DDX46: variants seen among roughly 807,000 people sequenced by gnomAD.
DDX46 encodes the protein DEAD-box helicase 46, also known as probable ATP-dependent RNA helicase DDX46.
In DDX46, 30 loss-of-function variants were observed where a neutral mutation model predicts 134.9. The observed-to-expected ratio is 0.22, with a 90% CI of 0.17 to 0.30. The LOEUF (loss-of-function observed/expected upper bound fraction) is 0.30, where lower values mean the gene tolerates loss of function less well. Among genes scored for constraint, DDX46 ranks in the 10% least tolerant of loss-of-function variants. The pLI, the probability that DDX46 is intolerant of heterozygous loss-of-function variation, is 1.00. For synonymous variants in DDX46, 415 were observed against 404.1 expected (o/e 1.03, Z -0.32); for missense variants, 622 against 1,248.7 (o/e 0.50, Z 7.56).
At chr5:134,816,742 G>T (rs1755297194) in intron 19 of DDX46, 136 bp downstream of exon 19, 1 of 868,440 alleles carries the variant, frequency 1.2e-6, no homozygotes, top group Non-Finnish European at 1.7e-6. Flanking sequence ...TCTCAATACA[G>T]AATTTTTTGA....
intron 1 of DDX46, among the ~76,000 whole-genome samples, chr5:134,762,900 CAAAA>C (rs530214032): frequency 6.6e-6 from 1 of 151,266 alleles, no homozygotes; most frequent in Non-Finnish European, 1.5e-5. Context: ...TCTAAAAATG[CAAAA>C]AAAATTTAGC....
At chr5:134,800,606 G>A (rs1032722334) in intron 15 of DDX46, among the ~76,000 whole-genome samples, 2 of 152,044 alleles carry the variant, frequency 1.3e-5, no homozygotes, top group Non-Finnish European at 2.9e-5. Flanking sequence ...TCCCTATAAA[G>A]GTAATTAATT....
chr5:134,807,438 TA>T (rs1755025553), intron 15 of DDX46, among the ~76,000 whole-genome samples: 1 of 152,180 alleles, frequency 6.6e-6, no homozygotes, highest in Admixed American at 6.5e-5. Context: ...CTTGTCAATA[TA>T]GGCTGAATGT....
intron 6 of DDX46, among the ~76,000 whole-genome samples, chr5:134,779,790 T>A (rs540351458): frequency 4.6e-4 from 70 of 152,266 alleles, no homozygotes; most frequent in African/African-American, 1.6e-3. Context: ...GTACCTAGCC[T>A]AGTAGTAGTT....
chr5:134,782,798 C>T, intron 8 of DDX46, 147 bp from the exon 9 acceptor site: 1 of 963,140 alleles, frequency 1.0e-6, no homozygotes, highest in Non-Finnish European at 1.4e-6. Flanking sequence ...GCGTCTGTCT[C>T]CCAAAGTGCT....
chr5:134,781,947 T>C lies in DDX46; in HGVS notation c.906T>C (p.Asp302=). 6.2e-7 allele frequency: 1 copy of C among 1,607,080 alleles called. No homozygotes were observed. Among genetic ancestry groups the C allele is most frequent in the Non-Finnish European group, 8.5e-7 (1 of 1,178,514 alleles). Residue 302 remains aspartate, a synonymous_variant, in exon 8 of 23, where the codon GAT becomes GAC. Coordinates refer to ENST00000452510, the MANE Select transcript of DDX46 (RefSeq NM_001300860.2). The stretch of plus-strand genomic sequence containing the variant: ...ATTCTTCAGAGGAGGAAGAAGTTGA[T>C]CTTCAGACAGCCCTTACAGGGTATC... ...MEYSSEEEEV[D]LQTALTGYQT...
chr5:134,802,944 A>G (rs1754875747), intron 15 of DDX46, among the ~76,000 whole-genome samples: 1 of 152,296 alleles, frequency 6.6e-6, no homozygotes, highest in African/African-American at 2.4e-5. Flanking sequence ...AGAACCCAGC[A>G]TCCAAACTCT....
At chr5:134,771,026 TTCTTTCTTTCTTTTTG>T in intron 4 of DDX46, 27 bp downstream of exon 4, 1 of 922,156 alleles carries the variant, frequency 1.1e-6, no homozygotes, top group Non-Finnish European at 1.7e-6. Flanking sequence ...AAAAATAATT[TTCTTTCTTTCTTTTTG>T]TCTTTCTTTC....
intron 13 of DDX46, 146 bp downstream of exon 13, chr5:134,790,698 G>T: frequency 1.5e-6 from 1 of 649,770 alleles, no homozygotes. Context: ...ATACAGTATT[G>T]AAGTACATAT....
intron 8 of DDX46, 126 bp downstream of exon 8, chr5:134,782,212 C>T: frequency 9.1e-7 from 1 of 1,092,904 alleles, no homozygotes; most frequent in Non-Finnish European, 1.3e-6. Flanking sequence ...TTAAAATGAT[C>T]AAAAATTAAT....
chr5:134,774,317 T>A (rs945670110), intron 5 of DDX46, among the ~76,000 whole-genome samples: 21 of 151,856 alleles, frequency 1.4e-4, no homozygotes, highest in African/African-American at 5.1e-4. Flanking sequence ...GAATAATATT[T>A]CACTGTATAT....
rs1190778546 is a variant in DDX46, at chr5:134,796,086, A to G, written c.1890A>G (p.Glu630=). The G allele has an allele frequency of 1.2e-6, 2 of 1,613,832 alleles. No homozygotes were observed. The highest frequency in any genetic ancestry group is 2.7e-5 in the African/African-American group (2 of 74,926). The change falls in exon 15 of 23, where the codon GAA becomes GAG. Residue 630 remains glutamate (E), a synonymous_variant. Transcript: ENST00000452510. ...GSVIIFVDKQ[E]HADGLLKDLM... Reference sequence around the variant, plus strand: ...TCATTATATTTGTGGATAAGCAGGAACATGCTGATGGTCTTCTTAAGGATT... The same window carrying G: ...TCATTATATTTGTGGATAAGCAGGAGCATGCTGATGGTCTTCTTAAGGATT...
At position 134,770,767 on chromosome 5, in the gene DDX46, G is replaced by A. The variant is rs982041364; in HGVS notation, c.351-136G>A. On this transcript the variant is annotated intron_variant, in intron 3 of 22. Transcript: ENST00000452510. Reference sequence around the variant, plus strand: ...GTGGAGGTTGCAGTGAGCTGAGATCGCACCATTTCACTCCACTCCAGTCTG... The same window carrying A: ...GTGGAGGTTGCAGTGAGCTGAGATCACACCATTTCACTCCACTCCAGTCTG... 2.2e-5 allele frequency: 14 copies of A among 623,334 alleles called. 1 individual carries two copies. The highest frequency in any genetic ancestry group is 9.3e-5 in the South Asian group (4 of 43,088). 38.6% of individuals were successfully genotyped at this position (623,334 alleles called of 1,614,324 possible).
At chr5:134,768,740 A>G (rs1753661337) in intron 3 of DDX46, among the ~76,000 whole-genome samples, 2 of 152,164 alleles carry the variant, frequency 1.3e-5, no homozygotes, top group Admixed American at 1.3e-4. Context: ...GTTTATTCCA[A>G]GAATGGCAGG....
rs1426409437 is a variant in DDX46, at chr5:134,782,981, C to T, written c.1082C>T (p.Thr361Ile). 1.2e-6 allele frequency: 2 copies of T among 1,613,688 alleles called. No homozygotes were observed. The highest frequency in any genetic ancestry group is 2.2e-5 in the East Asian group (1 of 44,846). ...TTTCGATTGGAAATGGAGGGCATTA[C>T]AGTTAAAGGAAAAGGTTGCCCCAAA... is the stretch of plus-strand genomic sequence containing the variant. ...NVFRLEMEGI[T>I]VKGKGCPKPI... The change falls in exon 9 of 23, where the codon ACA (threonine) becomes ATA (isoleucine). Residue 361 changes from threonine to isoleucine, a missense_variant. By Grantham distance (89) the Thr-to-Ile change is moderately conservative. Transcript: ENST00000452510.
In DDX46 at chr5:134,763,935, C is replaced by T. The variant is rs779044269; in HGVS notation, c.49C>T (p.Arg17Cys). The T allele has an allele frequency of 2.5e-6, 4 of 1,613,930 alleles. No individual in the cohort carries two copies. Among genetic ancestry groups the T allele is most frequent in the African/African-American group, 2.7e-5 (2 of 74,896 alleles). Residue 17 changes from arginine to cysteine, a missense_variant, in exon 2 of 23, where the codon CGC becomes TGC. Transcript: ENST00000452510. Reference sequence around the variant, plus strand: ...TCGAAAACGATCGGCATCCCGGGGTCGCTCTGGAAGTCGGTCTAGAAGTCG... The same window carrying T: ...TCGAAAACGATCGGCATCCCGGGGTTGCTCTGGAAGTCGGTCTAGAAGTCG... Reference protein sequence around the residue: ...HYRKRSASRGRSGSRSRSRSP... With the variant: ...HYRKRSASRGCSGSRSRSRSP...
chr5:134,796,193 C>T (rs1754648374), intron 15 of DDX46, 43 bp downstream of exon 15: 1 of 1,595,506 alleles, frequency 6.3e-7, no homozygotes, highest in Admixed American at 1.7e-5. Context: ...CTATTAAGTA[C>T]TTGCCAAGCA....
intron 21 of DDX46, among the ~76,000 whole-genome samples, chr5:134,820,284 A>G (rs1052255507): frequency 1.3e-5 from 2 of 151,442 alleles, no homozygotes. Context: ...TTGTTTTCTG[A>G]CATTATGTGA....
chr5:134,773,593 T>A, intron 4 of DDX46, 103 bp from the exon 5 acceptor site: 1 of 1,345,062 alleles, frequency 7.4e-7, no homozygotes, highest in Middle Eastern at 1.9e-4. Flanking sequence ...TCCCCTTCTT[T>A]ATACTTTGAA....
Sources: allele counts gnomAD v4.1 joint callset (sites outside exome capture counted in the v4.1 genomes callset), GRCh38; gene constraint gnomAD v4.1.1; transcripts MANE v1.5; gene names NCBI Gene and HGNC (gene_info 2026-07-23, HGNC 2026-07-21).